FBXO40: variants seen among roughly 807,000 people sequenced by gnomAD.
The protein encoded by FBXO40 is F-box only protein 40.
A neutral mutation model predicts 49.9 loss-of-function variants in FBXO40; 50 were observed. The ratio of observed to expected loss-of-function variants is 1.00; its 90% CI spans 0.80 to 1.27. The LOEUF (loss-of-function observed/expected upper bound fraction) is 1.27. FBXO40 is among the 50% of genes most tolerant of loss of function. The pLI, the probability that FBXO40 is intolerant of heterozygous loss-of-function variation, is 0.00. For missense variants in FBXO40, 895 were observed against 870.1 expected (o/e 1.03, Z -0.36); for synonymous variants, 340 against 320.2 (o/e 1.06, Z -0.66).
At position 121,623,037 on chromosome 3, in the gene FBXO40, T is replaced by A. The variant is rs756510670; in HGVS notation, c.1608T>A (p.Tyr536Ter). The A allele has an allele frequency of 1.2e-6, 2 of 1,614,198 alleles. No individual in the cohort carries two copies. Among genetic ancestry groups the A allele is most frequent in the South Asian group, 2.2e-5 (2 of 91,082 alleles). Residue 536 changes from tyrosine (Y) to a stop codon, truncating the protein, a stop_gained, in exon 3 of 4, where the codon TAT (tyrosine) becomes TAA (stop). Coordinates refer to ENST00000338040, the MANE Select transcript of FBXO40 (RefSeq NM_016298.4). LOFTEE classifies it high-confidence loss of function. ...CAGGGCAAAAGGCAAAAGTAATCTA[T>A]AGCCAGGAGCTCAAGACCTTTGCCA... ...RPPGQKAKVIYSQELKTFAIK... is the reference protein window; with the variant it reads ...RPPGQKAKVI
At chr3:121,604,327 A>G (rs2048919700) in intron 1 of FBXO40, among the ~76,000 whole-genome samples, 1 of 152,208 alleles carries the variant, frequency 6.6e-6, no homozygotes, top group South Asian at 2.1e-4. Context: ...TATAAGAATT[A>G]TAGCTATAAT....
At chr3:121,613,071 GAA>G (rs34114730) in intron 1 of FBXO40, among the ~76,000 whole-genome samples, 17 of 129,344 alleles carry the variant, frequency 1.3e-4, no homozygotes, top group East Asian at 4.9e-4. Flanking sequence ...CTCCGTCTCA[GAA>G]AAAAAAAAAA....
chr3:121,626,930 T>C lies in FBXO40; in HGVS notation c.*20T>C. The C allele has an allele frequency of 6.2e-7, 1 of 1,609,374 alleles. No homozygotes were observed. Among genetic ancestry groups the C allele is most frequent in the Non-Finnish European group, 8.5e-7 (1 of 1,175,854 alleles). On this transcript the variant is annotated 3_prime_UTR_variant, in exon 4 of 4. Coordinates refer to ENST00000338040, the MANE Select transcript of FBXO40 (RefSeq NM_016298.4). The stretch of plus-strand genomic sequence containing the variant: ...TCCTAAAAATTCAGATGCCACTCGA[T>C]GCACCCTTCTTGGATTTCTTCTCGG...
chr3:121,607,269 A>G (rs1259639253), intron 1 of FBXO40, among the ~76,000 whole-genome samples: 1 of 150,654 alleles, frequency 6.6e-6, no homozygotes, highest in Non-Finnish European at 1.5e-5. Context: ...CCATCTCAAA[A>G]AAAAAAAAAA....
chr3:121,613,384 A>C (rs1028165140), intron 1 of FBXO40, among the ~76,000 whole-genome samples: 1 of 152,204 alleles, frequency 6.6e-6, no homozygotes, highest in Non-Finnish European at 1.5e-5. Flanking sequence ...CAATGCCACA[A>C]GGAACCCAGC....
chr3:121,600,410 G>A lies in FBXO40; in HGVS notation c.-31+6908G>A, dbSNP rs182726807. 6.1e-4 allele frequency among the ~76,000 whole-genome samples: 93 copies of A among 152,150 alleles called. 1 individual carries two copies. The highest frequency in any genetic ancestry group is 2.2e-3 in the African/African-American group (90 of 41,514). On this transcript the variant is annotated intron_variant, in intron 1 of 3. Transcript: ENST00000338040. ...ATATCCTCTGAAATGCAAAGCCATT[G>A]GGCCTGGATGTTCCTTTTGTTTTCT...
intron 1 of FBXO40, among the ~76,000 whole-genome samples, chr3:121,596,531 A>T (rs528614519): frequency 5.3e-5 from 8 of 152,226 alleles, no homozygotes; most frequent in Non-Finnish European, 1.0e-4. Flanking sequence ...CATTTTAAAA[A>T]GTTTGCCCGG....
At chr3:121,604,010 G>A (rs2048917952) in intron 1 of FBXO40, among the ~76,000 whole-genome samples, 2 of 152,202 alleles carry the variant, frequency 1.3e-5, no homozygotes, top group South Asian at 2.1e-4. Flanking sequence ...GGGCCACCAC[G>A]CCCAGCTCTG....
At chr3:121,597,838 T>C (rs1051692740) in intron 1 of FBXO40, among the ~76,000 whole-genome samples, 1 of 151,996 alleles carries the variant, frequency 6.6e-6, no homozygotes, top group Non-Finnish European at 1.5e-5. Flanking sequence ...CTTTTTTGTA[T>C]TTTTAGTAGA....
In FBXO40 at chr3:121,627,041, G is replaced by T. The variant is rs886358456; in HGVS notation, c.*131G>T. The T allele has an allele frequency of 6.4e-6, 5 of 776,774 alleles. No homozygotes were observed. In the African/African-American group the frequency reaches 8.7e-5, roughly 13 times the overall value. The allele number at this position is 776,774 out of a possible 1,614,324, so 48.1% of individuals were successfully genotyped here. A position where few individuals can be genotyped will look rare whatever the true frequency, so the allele number is the denominator to read the frequency against. On this transcript the variant is annotated 3_prime_UTR_variant, in exon 4 of 4. Transcript: ENST00000338040. Reference sequence around the variant, plus strand: ...TGCTTATCGGGGTGTATTGGAACACGCAATGTCCTTCGAAACCTCAACACG... The same window carrying T: ...TGCTTATCGGGGTGTATTGGAACACTCAATGTCCTTCGAAACCTCAACACG...
At chr3:121,615,200 CA>C (rs11448457) in intron 1 of FBXO40, among the ~76,000 whole-genome samples, 703 of 69,366 alleles carry the variant, frequency 0.01, 6 homozygotes, top group African/African-American at 0.042. Flanking sequence ...GAGAGCATCT[CA>C]AAAAAAAAAA....
At chr3:121,608,253 G>A (rs2048942483) in intron 1 of FBXO40, among the ~76,000 whole-genome samples, 1 of 152,228 alleles carries the variant, frequency 6.6e-6, no homozygotes, top group African/African-American at 2.4e-5. Flanking sequence ...TCCGAGTGAT[G>A]TTTTCTGGGG....
At chr3:121,611,101 T>C (rs2048961824) in intron 1 of FBXO40, among the ~76,000 whole-genome samples, 3 of 152,180 alleles carry the variant, frequency 2.0e-5, no homozygotes, top group Non-Finnish European at 2.9e-5. Context: ...TTAAATCATA[T>C]GTTGAAGGGG....
chr3:121,627,813 A>G lies in FBXO40; in HGVS notation c.*903A>G. The G allele has an allele frequency of 2.5e-6, 1 of 398,660 alleles. No homozygotes were observed. Among genetic ancestry groups the G allele is most frequent in the Non-Finnish European group, 4.4e-6 (1 of 226,108 alleles). 24.7% of individuals were successfully genotyped at this position (398,660 alleles called of 1,614,324 possible). ...ATACACTAATGCCAACCTCAGCGTC[A>G]TGCCAGAATGCACAGGGCAGCCCAG... On this transcript the variant is annotated 3_prime_UTR_variant, in exon 4 of 4. Coordinates refer to ENST00000338040, the MANE Select transcript of FBXO40 (RefSeq NM_016298.4).
In FBXO40 at chr3:121,621,774, C is replaced by T; in HGVS notation, c.345C>T (p.Ile115=). The change falls in exon 3 of 4, where the codon ATC becomes ATT. Residue 115 remains isoleucine, a synonymous_variant. Coordinates refer to ENST00000338040, the MANE Select transcript of FBXO40 (RefSeq NM_016298.4). ...CTGAAACCACCCTTCATGAAAACAT[C>T]ATGAAAGAGACCCCCAGTGAGGAGT... ...VDSETTLHEN[I]MKETPSEECL... The T allele has an allele frequency of 1.2e-6, 2 of 1,614,206 alleles. No homozygotes were observed. Among genetic ancestry groups the T allele is most frequent in the Non-Finnish European group, 1.7e-6 (2 of 1,180,038 alleles).
rs768773333 is a variant in FBXO40 at position 121,622,568 on chromosome 3, C to T, written c.1139C>T (p.Thr380Ile). The T allele has an allele frequency of 3.1e-6, 5 of 1,614,192 alleles. No homozygotes were observed. The highest frequency in any genetic ancestry group is 4.2e-6 in the Non-Finnish European group (5 of 1,180,040). Residue 380 changes from threonine (T) to isoleucine (I), a missense_variant, in exon 3 of 4, where the codon ACT (threonine) becomes ATT (isoleucine). Thr to Ile is a moderately conservative substitution (Grantham distance 89). Transcript: ENST00000338040. ...CCAAGTGAACACAAGGCAGTGGATA[C>T]TTCAGATTTGGGGATCACTGTGGAG... ...CKPSEHKAVD[T>I]SDLGITVEDL...
In FBXO40 at chr3:121,611,423, T is replaced by C. The variant is rs377272146; in HGVS notation, c.-30-9123T>C. 2.6e-3 allele frequency among the ~76,000 whole-genome samples: 403 copies of C among 152,080 alleles called. 1 individual carries two copies. The highest frequency in any genetic ancestry group is 4.4e-3 in the South Asian group (21 of 4,818). ...TTCAAGGGATGGTACTATACCTGGA[T>C]GTGCACGTAGGCCAGATTTATGTTT... On this transcript the variant is annotated intron_variant, in intron 1 of 3. Transcript: ENST00000338040.
chr3:121,598,986 A>G (rs1404694590), intron 1 of FBXO40, among the ~76,000 whole-genome samples: 1 of 152,216 alleles, frequency 6.6e-6, no homozygotes, highest in Non-Finnish European at 1.5e-5. Flanking sequence ...AACTACGTCC[A>G]GCACATTCCG....
At chr3:121,596,340 C>T (rs971832698) in intron 1 of FBXO40, among the ~76,000 whole-genome samples, 1 of 152,194 alleles carries the variant, frequency 6.6e-6, no homozygotes, top group Non-Finnish European at 1.5e-5. Flanking sequence ...GAGCCAGAGA[C>T]TCTGGGAGCA....
Sources: allele counts gnomAD v4.1 joint callset (sites outside exome capture counted in the v4.1 genomes callset), GRCh38; gene constraint gnomAD v4.1.1; transcripts MANE v1.5; gene names NCBI Gene and HGNC (gene_info 2026-07-23, HGNC 2026-07-21).